NRXN3: variants seen among roughly 807,000 people sequenced by gnomAD.
The protein encoded by NRXN3 is neurexin 3.
NRXN3 carries 32 observed loss-of-function variants against 137.6 expected under a neutral mutation model. The ratio of observed to expected loss-of-function variants is 0.23; its 90% CI spans 0.18 to 0.31. The LOEUF (loss-of-function observed/expected upper bound fraction) is 0.31, where lower values mean the gene tolerates loss of function less well. Ranked by LOEUF, NRXN3 falls within the 10% of genes least tolerant of loss-of-function variation. The probability of loss-of-function intolerance (pLI) is 1.00; values close to 1 mark genes in which losing one functional copy is unlikely to be tolerated. For missense variants in NRXN3, 1,574 were observed against 2,062.5 expected (o/e 0.76, Z 4.59); for synonymous variants, 798 against 784.5 (o/e 1.02, Z -0.29).
intron 6 of NRXN3, among the ~76,000 whole-genome samples, chr14:78,708,817 C>T (rs1029081425): frequency 4.6e-5 from 7 of 152,180 alleles, no homozygotes; most frequent in African/African-American, 2.4e-5. Flanking sequence ...TCCATTATAA[C>T]GCTGTGCCAT....
chr14:78,386,559 C>T (rs2089999189), intron 4 of NRXN3, among the ~76,000 whole-genome samples: 1 of 152,082 alleles, frequency 6.6e-6, no homozygotes, highest in Non-Finnish European at 1.5e-5. Context: ...CATGATGATG[C>T]CTTACATTTG....
At chr14:79,775,790 G>A (rs1027982442) in intron 19 of NRXN3, among the ~76,000 whole-genome samples, 1 of 152,126 alleles carries the variant, frequency 6.6e-6, no homozygotes, top group Non-Finnish European at 1.5e-5. Flanking sequence ...GAAAGGCTAT[G>A]TTTGAAGATT....
intron 15 of NRXN3, among the ~76,000 whole-genome samples, chr14:79,166,692 T>G (rs1458590868): frequency 6.6e-6 from 1 of 151,686 alleles, no homozygotes; most frequent in Non-Finnish European, 1.5e-5. Flanking sequence ...GAAGGATGTG[T>G]GGAATAGATT....
At chr14:79,416,984 A>G (rs1599964305) in intron 15 of NRXN3, among the ~76,000 whole-genome samples, 1 of 152,314 alleles carries the variant, frequency 6.6e-6, no homozygotes, top group East Asian at 1.9e-4. Context: ...TTTCCTGCTC[A>G]GTCTGTAGTG....
Position 78,660,075 on chromosome 14 carries a change from G to A in NRXN3, c.1221+8749G>A, listed in dbSNP as rs61976146. On this transcript the variant is annotated intron_variant, in intron 6 of 20. Coordinates refer to ENST00000335750, the MANE Select transcript of NRXN3 (RefSeq NM_001330195.2). ...ACCAGGTGTGAACATTTAGCCAAGC[G>A]TGGCTGTAAAAAAGTGGTATGGGCC... Among the ~76,000 whole-genome samples, 1,442 of 152,130 alleles carry A rather than the reference G, an allele frequency of 9.5e-3. 7 individuals carry two copies. Among genetic ancestry groups the A allele is most frequent in the Non-Finnish European group, 0.015 (987 of 68,006 alleles).
intron 16 of NRXN3, among the ~76,000 whole-genome samples, chr14:79,495,343 C>T (rs2096756132): frequency 1.3e-5 from 2 of 152,300 alleles, no homozygotes; most frequent in South Asian, 4.1e-4. Flanking sequence ...GATGCCATGC[C>T]TAGTCAGAGT....
intron 10 of NRXN3, among the ~76,000 whole-genome samples, chr14:78,859,874 C>T (rs2099067844): frequency 6.6e-6 from 1 of 152,112 alleles, no homozygotes; most frequent in African/African-American, 2.4e-5. Flanking sequence ...TTATTACTCT[C>T]ACTTTTATCC....
intron 4 of NRXN3, among the ~76,000 whole-genome samples, chr14:78,412,077 G>C (rs1362192481): frequency 1.3e-5 from 2 of 152,180 alleles, no homozygotes; most frequent in South Asian, 4.1e-4. Context: ...AACAAAGAAT[G>C]CATGTAAGAT....
At chr14:79,442,125 T>C (rs1447227642) in intron 15 of NRXN3, among the ~76,000 whole-genome samples, 2 of 152,172 alleles carry the variant, frequency 1.3e-5, no homozygotes, top group Non-Finnish European at 2.9e-5. Context: ...ATTCCTTGTG[T>C]AATGACAGAA....
intron 2 of NRXN3, among the ~76,000 whole-genome samples, chr14:78,277,260 C>G (rs975365541): frequency 6.6e-6 from 1 of 152,156 alleles, no homozygotes; most frequent in South Asian, 2.1e-4. Context: ...AGAACATTAC[C>G]CATCCTGTTC....
intron 16 of NRXN3, among the ~76,000 whole-genome samples, chr14:79,594,666 T>G (rs1171113261): frequency 6.8e-6 from 1 of 146,230 alleles, no homozygotes; most frequent in East Asian, 2.0e-4. Flanking sequence ...ATCATAGAGA[T>G]GAATCACCTT....
chr14:78,773,926 C>T (rs557115910), intron 8 of NRXN3, among the ~76,000 whole-genome samples: 99 of 152,140 alleles, frequency 6.5e-4, no homozygotes, highest in African/African-American at 2.2e-3. Context: ...CTCAGCCTCC[C>T]GAGTAGCTGG....
At chr14:79,846,649 A>G (rs2099374643) in intron 20 of NRXN3, among the ~76,000 whole-genome samples, 1 of 152,194 alleles carries the variant, frequency 6.6e-6, no homozygotes, top group African/African-American at 2.4e-5. Flanking sequence ...AATGTGTACT[A>G]AATTCTATCC....
intron 15 of NRXN3, among the ~76,000 whole-genome samples, chr14:79,101,965 CAG>C (rs1322324684): frequency 7.2e-5 from 11 of 152,054 alleles, no homozygotes; most frequent in Admixed American, 6.6e-4. Flanking sequence ...AAGGCAGAGA[CAG>C]AGGCTGGAGT....
At chr14:78,208,189 A>T (rs2062396601) in intron 1 of NRXN3, among the ~76,000 whole-genome samples, 2 of 152,250 alleles carry the variant, frequency 1.3e-5, no homozygotes, top group Non-Finnish European at 2.9e-5. Context: ...CTTAGCACAT[A>T]GTAAGTACTA....
At chr14:79,721,859 A>G (rs2098845724) in intron 19 of NRXN3, among the ~76,000 whole-genome samples, 1 of 152,086 alleles carries the variant, frequency 6.6e-6, no homozygotes, top group African/African-American at 2.4e-5. Context: ...GAAGTCTCTA[A>G]TAGTTTACCC....
In NRXN3 at chr14:78,675,442, G is replaced by C. The variant is rs1192553444; in HGVS notation, c.1221+24116G>C. On this transcript the variant is annotated intron_variant, in intron 6 of 20. Coordinates refer to ENST00000335750, the MANE Select transcript of NRXN3 (RefSeq NM_001330195.2). The stretch of plus-strand genomic sequence containing the variant: ...AAGCCAAGTGCATGGATCCAGGAGA[G>C]TAACTGGTCCAGTGCATTTCTGTTT... Among the ~76,000 whole-genome samples the C allele has an allele frequency of 2.6e-5, 4 of 152,194 alleles. No homozygotes were observed. In the South Asian group the frequency reaches 8.3e-4, roughly 32 times the overall value.
chr14:78,469,830 C>T (rs1419062024), intron 4 of NRXN3, among the ~76,000 whole-genome samples: 5 of 152,218 alleles, frequency 3.3e-5, no homozygotes, highest in Admixed American at 6.5e-5. Flanking sequence ...TAAATTCAGT[C>T]TGAGATCTCA....
chr14:79,240,033 C>G, intron 15 of NRXN3, among the ~76,000 whole-genome samples: 1 of 151,868 alleles, frequency 6.6e-6, no homozygotes, highest in African/African-American at 2.4e-5. Context: ...AGATGTTGGT[C>G]AAATGGTAAA....
Sources: allele counts gnomAD v4.1 joint callset (sites outside exome capture counted in the v4.1 genomes callset), GRCh38; gene constraint gnomAD v4.1.1; transcripts MANE v1.5; gene names NCBI Gene and HGNC (gene_info 2026-07-23, HGNC 2026-07-21).